Variants in PTPRM observed in about 807,000 individuals in gnomAD.
PTPRM encodes protein tyrosine phosphatase receptor type M.
In PTPRM, 47 loss-of-function variants were observed where a neutral mutation model predicts 186.7. The observed-to-expected ratio is 0.25, with a 90% confidence interval of 0.20 to 0.32. The LOEUF (loss-of-function observed/expected upper bound fraction) is 0.32. Ranked by LOEUF, PTPRM falls within the 10% of genes least tolerant of loss-of-function variation. PTPRM has a pLI of 1.00. For missense variants in PTPRM, 1,494 were observed against 1,865.0 expected, an observed-to-expected ratio of 0.80 and a Z score of 3.66; for synonymous variants, 668 against 674.9, an observed-to-expected ratio of 0.99 and a Z score of 0.16.
chr18:8,074,541 G>A (rs573868423), intron 8 of PTPRM, among the ~76,000 whole-genome samples: 3 of 152,260 alleles, frequency 2.0e-5, no homozygotes, highest in South Asian at 2.1e-4. Flanking sequence ...TGGGGTTTCC[G>A]ATTACTCTTC....
chr18:7,909,368 G>T (rs947175727), intron 4 of PTPRM, among the ~76,000 whole-genome samples: 1 of 152,204 alleles, frequency 6.6e-6, no homozygotes, highest in African/African-American at 2.4e-5. Flanking sequence ...GCACAGAATT[G>T]CAAAACAGGC....
chr18:7,882,767 G>A lies in PTPRM; in HGVS notation c.197-5339G>A, dbSNP rs911816722. Among the ~76,000 whole-genome samples, 3 of 152,170 alleles carry A rather than the reference G, an allele frequency of 2.0e-5. No individual in the cohort carries two copies. The East Asian group carries it at 5.8e-4, about 29-fold the overall frequency. ...AAGTTTCTCAAATACACTTGGAAGA[G>A]AATTCATGTAGTTTTCTCAGCCTTG... On this transcript the variant is annotated intron_variant, in intron 2 of 32. Transcript: ENST00000580170.
intron 14 of PTPRM, among the ~76,000 whole-genome samples, chr18:8,181,441 G>T (rs1212693286): frequency 1.3e-5 from 2 of 152,228 alleles, no homozygotes; most frequent in Non-Finnish European, 2.9e-5. Context: ...TGCGGATCAC[G>T]CACATCAGAG....
chr18:7,633,093 T>C (rs1396809840), intron 1 of PTPRM, among the ~76,000 whole-genome samples: 1 of 152,182 alleles, frequency 6.6e-6, no homozygotes, highest in Non-Finnish European at 1.5e-5. Flanking sequence ...AAAGTGCTCC[T>C]TTTCTTCATT....
intron 2 of PTPRM, among the ~76,000 whole-genome samples, chr18:7,836,579 T>C (rs1460671780): frequency 1.3e-5 from 2 of 152,204 alleles, no homozygotes; most frequent in Non-Finnish European, 2.9e-5. Flanking sequence ...TCTGTGTACT[T>C]ACTATTACAA....
intron 2 of PTPRM, among the ~76,000 whole-genome samples, chr18:7,830,285 C>G (rs1439304263): frequency 6.6e-6 from 1 of 152,104 alleles, no homozygotes; most frequent in Non-Finnish European, 1.5e-5. Flanking sequence ...TCAGTTTCCC[C>G]CAGCCATGTG....
intron 2 of PTPRM, among the ~76,000 whole-genome samples, chr18:7,824,216 T>C (rs939197632): frequency 2.6e-5 from 4 of 152,218 alleles, no homozygotes; most frequent in Non-Finnish European, 4.4e-5. Flanking sequence ...GACTCTGTTA[T>C]GAGTTAGTCC....
intron 11 of PTPRM, among the ~76,000 whole-genome samples, chr18:8,094,605 A>C (rs762609530): frequency 2.6e-4 from 40 of 152,008 alleles, no homozygotes; most frequent in Non-Finnish European, 4.7e-4. Flanking sequence ...ACAAAATATA[A>C]ATAAAATAAA....
chr18:7,727,407 G>T (rs183118000), intron 1 of PTPRM, among the ~76,000 whole-genome samples: 1 of 152,244 alleles, frequency 6.6e-6, no homozygotes, highest in Admixed American at 6.5e-5. Context: ...TGGCTTATAA[G>T]GAAAATATGT....
At position 7,795,367 on chromosome 18, in the gene PTPRM, A is replaced by G. The variant is rs546549073; in HGVS notation, c.196+21096A>G. On this transcript the variant is annotated intron_variant, in intron 2 of 32. Transcript: ENST00000580170. ...ACTCTGAGGAGATTTTTAAACCTCT[A>G]AGGAGAACAATTTTGAATGGTGCCT... Among the ~76,000 whole-genome samples, 11 of 152,184 alleles carry G rather than the reference A, an allele frequency of 7.2e-5. No individual in the cohort carries two copies. In the South Asian group the frequency reaches 1.9e-3, roughly 26 times the overall value.
intron 1 of PTPRM, among the ~76,000 whole-genome samples, chr18:7,661,487 A>G (rs1021821322): frequency 6.6e-5 from 10 of 152,250 alleles, no homozygotes; most frequent in South Asian, 2.1e-4. Context: ...GGCAGTGACA[A>G]TGAATGTGCC....
chr18:8,378,415 G>A lies in PTPRM; in HGVS notation c.3612+1G>A, dbSNP rs548952410. The A allele has an allele frequency of 1.2e-6, 2 of 1,614,020 alleles. No homozygotes were observed. The highest frequency in any genetic ancestry group is 1.3e-5 in the African/African-American group (1 of 75,042). ...AAGCCAGATTAAAGAGGAATTCCGG[G>A]TAAGTGATGCCTAAGGGAGGGGCAC... On this transcript the variant is annotated splice_donor_variant, in intron 27 of 32. Coordinates refer to ENST00000580170, the MANE Select transcript of PTPRM (RefSeq NM_001105244.2). LOFTEE classifies it high-confidence loss of function.
At chr18:7,889,490 C>T (rs1378961418) in intron 3 of PTPRM, among the ~76,000 whole-genome samples, 1 of 151,874 alleles carries the variant, frequency 6.6e-6, no homozygotes, top group Non-Finnish European at 1.5e-5. Context: ...ACATATGCCA[C>T]CTGTCGGGCT....
intron 7 of PTPRM, among the ~76,000 whole-genome samples, chr18:8,051,365 A>G (rs1047322972): frequency 1.3e-5 from 2 of 152,208 alleles, no homozygotes; most frequent in South Asian, 4.1e-4. Context: ...CAGCATAACA[A>G]TAATCAACTT....
chr18:7,573,273 G>A (rs960279747), intron 1 of PTPRM, among the ~76,000 whole-genome samples: 1 of 152,094 alleles, frequency 6.6e-6, no homozygotes, highest in Non-Finnish European at 1.5e-5. Flanking sequence ...GTTGAAGGAG[G>A]GCCATGAAGA....
intron 19 of PTPRM, among the ~76,000 whole-genome samples, chr18:8,289,523 T>TAC (rs71356206): frequency 0.34 from 35,726 of 105,824 alleles, 6,756 homozygotes; most frequent in Middle Eastern, 0.49. Flanking sequence ...TGTATATATA[T>TAC]ACATATATAT....
intron 14 of PTPRM, among the ~76,000 whole-genome samples, chr18:8,194,908 A>C (rs1428775286): frequency 6.6e-6 from 1 of 152,034 alleles, no homozygotes; most frequent in Non-Finnish European, 1.5e-5. Flanking sequence ...TTATTCTTGT[A>C]AGGATTGGGC....
At chr18:8,352,827 C>T (rs1280795388) in intron 23 of PTPRM, among the ~76,000 whole-genome samples, 6 of 152,034 alleles carry the variant, frequency 3.9e-5, no homozygotes, top group South Asian at 2.1e-4. Flanking sequence ...CCCACCACTA[C>T]GCCTGGCTAA....
At chr18:8,224,495 T>A (rs1380808001) in intron 14 of PTPRM, among the ~76,000 whole-genome samples, 2 of 152,188 alleles carry the variant, frequency 1.3e-5, no homozygotes, top group African/African-American at 4.8e-5. Flanking sequence ...CAGATTGCCA[T>A]TGAGACTTGG....
Sources: allele counts gnomAD v4.1 joint callset (sites outside exome capture counted in the v4.1 genomes callset), GRCh38; gene constraint gnomAD v4.1.1; transcripts MANE v1.5; gene names NCBI Gene and HGNC (gene_info 2026-07-23, HGNC 2026-07-21).